CUEDC1: variants seen among roughly 807,000 people sequenced by gnomAD.
CUEDC1 encodes CUE domain containing 1, also known as CUE domain-containing protein 1.
In CUEDC1, 30 loss-of-function variants were observed where a neutral mutation model predicts 43.7. The observed-to-expected ratio is 0.69, with a 90% confidence interval of 0.51 to 0.93. The LOEUF is 0.93. Ranked by LOEUF, CUEDC1 falls within the 40% of genes least tolerant of loss-of-function variation. CUEDC1 has a pLI of 0.00. For missense variants in CUEDC1, 486 were observed against 549.0 expected (o/e 0.89, Z 1.15); for synonymous variants, 223 against 223.6 (o/e 1.00, Z 0.02).
intron 3 of CUEDC1, among the ~76,000 whole-genome samples, chr17:57,877,749 G>A (rs1372837809): frequency 6.6e-6 from 1 of 151,734 alleles, no homozygotes; most frequent in African/African-American, 2.4e-5. Flanking sequence ...GCCGGGTGTG[G>A]TGGCACACAT....
At chr17:57,879,873 T>A (rs893421330) in intron 2 of CUEDC1, 135 bp from the exon 3 acceptor site, 1 of 898,652 alleles carries the variant, frequency 1.1e-6, no homozygotes, top group Non-Finnish European at 1.6e-6. Flanking sequence ...TGTAAATCGA[T>A]ACAATCACCA....
rs186475934 is a variant in CUEDC1 at position 57,872,387 on chromosome 17, T to C, written c.784+276A>G. On this transcript the variant is annotated intron_variant, in intron 5 of 10. Coordinates refer to ENST00000577830, the MANE Select transcript of CUEDC1 (RefSeq NM_001271875.2). ...GCTGCCTTGTGCCAAGGCCAGTGCC[T>C]GGCACAGAGCAGGTGTGCAAAGGGA... Among the ~76,000 whole-genome samples the C allele has an allele frequency of 1.7e-3, 255 of 152,358 alleles. 1 individual carries two copies. The highest frequency in any genetic ancestry group is 3.4e-3 in the Middle Eastern group (1 of 294).
In CUEDC1 at chr17:57,954,900, G is replaced by C. The variant is rs1598033548; in HGVS notation, c.-316+325C>G. ...CCTCGTCTCCCTTCCCTGCGGCGCT[G>C]GCCCGCGCCCCCCGGTCTAATCGCG... On this transcript the variant is annotated intron_variant, in intron 1 of 10. Transcript: ENST00000577830. This position sits in a 1 kb window ranked among gnomAD's most constrained non-coding sequence, Gnocchi z 4.3. 6.6e-6 allele frequency among the ~76,000 whole-genome samples: 1 copy of C among 151,744 alleles called. No homozygotes were observed. The highest frequency in any genetic ancestry group is 1.9e-4 in the East Asian group (1 of 5,136).
At chr17:57,870,963 G>A (rs1030588890) in intron 6 of CUEDC1, among the ~76,000 whole-genome samples, 3 of 152,180 alleles carry the variant, frequency 2.0e-5, no homozygotes, top group Non-Finnish European at 4.4e-5. Context: ...GATTATAGGC[G>A]TGAGCCACCG....
intron 1 of CUEDC1, among the ~76,000 whole-genome samples, chr17:57,935,640 G>C (rs1165742303): frequency 6.6e-6 from 1 of 152,012 alleles, no homozygotes; most frequent in Non-Finnish European, 1.5e-5. Context: ...GAACTGAAAG[G>C]CTTCCACAGG....
At chr17:57,883,757 T>C (rs1026147106) in intron 2 of CUEDC1, among the ~76,000 whole-genome samples, 1 of 151,966 alleles carries the variant, frequency 6.6e-6, no homozygotes, top group African/African-American at 2.4e-5. Context: ...AAAGAAGATA[T>C]GATACATCTA....
intron 1 of CUEDC1, among the ~76,000 whole-genome samples, chr17:57,896,129 C>T (rs1421016443): frequency 2.6e-5 from 4 of 152,174 alleles, no homozygotes; most frequent in Non-Finnish European, 4.4e-5. Context: ...AAACAGAACT[C>T]CCAACCCCTG....
rs550761454 is a variant in CUEDC1 at position 57,899,405 on chromosome 17, C to T, written c.-315-13526G>A. ...CCATCCACATACCCACGTGCCCACACGTATACTCTGGAGCTGCCACGGTTA... is the reference window on the plus strand; with the variant it reads ...CCATCCACATACCCACGTGCCCACATGTATACTCTGGAGCTGCCACGGTTA... On this transcript the variant is annotated intron_variant, in intron 1 of 10. Transcript: ENST00000577830. Among the ~76,000 whole-genome samples, 12 of 152,328 alleles carry T rather than the reference C, an allele frequency of 7.9e-5. No individual in the cohort carries two copies. In the South Asian group the frequency reaches 1.2e-3, roughly 16 times the overall value.
intron 1 of CUEDC1, among the ~76,000 whole-genome samples, chr17:57,909,157 G>T (rs1374629870): frequency 2.6e-5 from 4 of 151,432 alleles, no homozygotes; most frequent in African/African-American, 9.7e-5. Flanking sequence ...AATTTTTTTT[G>T]AGACGAAATC....
In CUEDC1 at chr17:57,861,877, C is replaced by G. The variant is rs1187702455; in HGVS notation, c.*1412G>C. 4 of 151,656 alleles carry G rather than the reference C, an allele frequency of 2.6e-5. 1 individual carries two copies. Among genetic ancestry groups the G allele is most frequent in the South Asian group, 4.2e-4 (2 of 4,812 alleles). 9.4% of individuals were successfully genotyped at this position (151,656 alleles called of 1,614,324 possible). On this transcript the variant is annotated 3_prime_UTR_variant, in exon 11 of 11. Transcript: ENST00000577830. ...AGGGGGCGACCGCTCCTCGGCAGGG[C>G]CCCCCGAGCCAGCGTCCCGGCCCCG...
chr17:57,898,759 C>T (rs2074439849), intron 1 of CUEDC1, among the ~76,000 whole-genome samples: 1 of 152,138 alleles, frequency 6.6e-6, no homozygotes, highest in African/African-American at 2.4e-5. Context: ...AAGGCCTCCC[C>T]ACTCAGGGAC....
chr17:57,954,001 G>C lies in CUEDC1; in HGVS notation c.-316+1224C>G, dbSNP rs2075031400. Among the ~76,000 whole-genome samples, 3 of 152,192 alleles carry C rather than the reference G, an allele frequency of 2.0e-5. No homozygotes were observed. Among genetic ancestry groups the C allele is most frequent in the African/African-American group, 7.2e-5 (3 of 41,438 alleles). ...CCAGTGGCACTGACCCCCAACAACA[G>C]AGAGGACCCAGCTTCACACTTGATC... is the stretch of plus-strand genomic sequence containing the variant. On this transcript the variant is annotated intron_variant, in intron 1 of 10. Transcript: ENST00000577830. This position sits in a 1 kb window ranked among gnomAD's most constrained non-coding sequence, Gnocchi z 4.3.
intron 1 of CUEDC1, among the ~76,000 whole-genome samples, chr17:57,946,504 G>A (rs1166791002): frequency 6.6e-6 from 1 of 151,802 alleles, no homozygotes; most frequent in Non-Finnish European, 1.5e-5. Flanking sequence ...CCACCAACAT[G>A]CAAAGGTCTG....
At chr17:57,881,420 C>T (rs555619051) in intron 2 of CUEDC1, among the ~76,000 whole-genome samples, 2 of 152,346 alleles carry the variant, frequency 1.3e-5, no homozygotes, top group South Asian at 4.1e-4. Context: ...ACACTGTAAG[C>T]GCTGCTCCTG....
chr17:57,923,497 A>G (rs1250286339), intron 1 of CUEDC1, among the ~76,000 whole-genome samples: 1 of 152,200 alleles, frequency 6.6e-6, no homozygotes, highest in African/African-American at 2.4e-5. Context: ...TCCAAGGGAG[A>G]GTCAGAAGGC....
chr17:57,895,102 T>G (rs1287194654), intron 1 of CUEDC1, among the ~76,000 whole-genome samples: 3 of 152,260 alleles, frequency 2.0e-5, no homozygotes, highest in Non-Finnish European at 4.4e-5. Context: ...AAGTGCCTTA[T>G]TGCATGTTAA....
At chr17:57,901,417 A>C (rs1358434113) in intron 1 of CUEDC1, among the ~76,000 whole-genome samples, 1 of 151,960 alleles carries the variant, frequency 6.6e-6, no homozygotes, top group Non-Finnish European at 1.5e-5. Flanking sequence ...AAAATACCTT[A>C]CCTCTGGCTC....
intron 2 of CUEDC1, among the ~76,000 whole-genome samples, chr17:57,882,091 G>T (rs2074214069): frequency 6.6e-6 from 1 of 152,210 alleles, no homozygotes; most frequent in Non-Finnish European, 1.5e-5. Context: ...GGTGCTCCAG[G>T]GGGCAGGGTC....
chr17:57,871,007 C>T (rs1437283363), intron 6 of CUEDC1, among the ~76,000 whole-genome samples: 2 of 152,172 alleles, frequency 1.3e-5, no homozygotes, highest in Admixed American at 1.3e-4. Flanking sequence ...AGCCTACACT[C>T]GAGGCATAGG....
Sources: gnomAD v4.1 joint callset for allele counts (sites outside exome capture counted in the v4.1 genomes callset) on GRCh38, gnomAD v4.1.1 for gene constraint, Gnocchi (gnomAD v3.1) non-coding constraint, MANE v1.5 for transcripts, NCBI Gene and HGNC (gene_info 2026-07-23, HGNC 2026-07-21) for gene names.